WWOX: variants seen among roughly 807,000 people sequenced by gnomAD.
WWOX encodes WW domain-containing oxidoreductase.
A neutral mutation model predicts 46.2 loss-of-function variants in WWOX; 69 were observed. That is an observed-to-expected ratio of 1.49 (90% CI 1.23 to 1.82). The LOEUF (loss-of-function observed/expected upper bound fraction) is 1.82, where lower values mean the gene tolerates loss of function less well. Among genes scored for constraint, WWOX ranks in the 40% most tolerant of loss-of-function variants. WWOX has a pLI of 0.00. For synonymous variants in WWOX, 359 were observed against 202.6 expected, an observed-to-expected ratio of 1.77 and a Z score of -6.56; for missense variants, 919 against 542.6, an observed-to-expected ratio of 1.69 and a Z score of -6.89.
intron 8 of WWOX, among the ~76,000 whole-genome samples, chr16:78,870,421 G>T (rs1396679742): frequency 6.6e-6 from 1 of 151,976 alleles, no homozygotes. Context: ...GTCCAAGCTT[G>T]AATGACCTGC....
chr16:79,153,754 G>A (rs895252286), intron 8 of WWOX, among the ~76,000 whole-genome samples: 1 of 146,560 alleles, frequency 6.8e-6, no homozygotes, highest in African/African-American at 2.6e-5. Context: ...TCTGTTTTTT[G>A]GGGGGGGTTT....
At position 78,575,000 on chromosome 16, in the gene WWOX, T is replaced by TATATATATATATATATATATAA. The variant is rs1567654951; in HGVS notation, c.1056+142270_1056+142291dup. ...ATATATTCAATATTTATTTTTCAAT[T>TATATATATATATATATATATAA]ATATATATATATATATATATAAATA... On this transcript the variant is annotated intron_variant, in intron 8 of 8. Transcript: ENST00000566780. Among the ~76,000 whole-genome samples, 11 of 8,724 alleles carry TATATATATATATATATATATAA rather than the reference T, an allele frequency of 1.3e-3. 1 individual carries two copies. The highest frequency in any genetic ancestry group is 3.5e-3 in the Admixed American group (1 of 284). The allele number at this position is 8,724 out of a possible 152,430, so 5.7% of individuals were successfully genotyped here.
intron 8 of WWOX, among the ~76,000 whole-genome samples, chr16:79,146,840 G>C (rs980139717): frequency 6.6e-6 from 1 of 152,150 alleles, no homozygotes; most frequent in Non-Finnish European, 1.5e-5. Flanking sequence ...CAAATACTGT[G>C]TGAGGTTTAA....
intron 8 of WWOX, among the ~76,000 whole-genome samples, chr16:78,871,521 AG>A (rs2044128137): frequency 6.6e-6 from 1 of 152,198 alleles, no homozygotes; most frequent in African/African-American, 2.4e-5. Flanking sequence ...AAGATCTCCA[AG>A]GAAGCAGTTC....
intron 8 of WWOX, among the ~76,000 whole-genome samples, chr16:78,483,234 A>C (rs2084540502): frequency 6.6e-6 from 1 of 152,100 alleles, no homozygotes; most frequent in Non-Finnish European, 1.5e-5. Flanking sequence ...TTTGAAAAAT[A>C]CTCTGTCTTT....
At chr16:78,812,454 G>A (rs1241968298) in intron 8 of WWOX, among the ~76,000 whole-genome samples, 1 of 152,026 alleles carries the variant, frequency 6.6e-6, no homozygotes, top group African/African-American at 2.4e-5. Context: ...GGGCATGGTG[G>A]CTCCTGCCTG....
intron 8 of WWOX, chr16:78,896,664 A>G (rs569196268): frequency 6.6e-6 from 1 of 152,258 alleles, no homozygotes; most frequent in African/African-American, 2.4e-5. Context: ...AACCTTTTCA[A>G]GCATTTTTGT....
At chr16:78,320,958 G>C (rs1038409386) in intron 5 of WWOX, among the ~76,000 whole-genome samples, 1 of 152,032 alleles carries the variant, frequency 6.6e-6, no homozygotes, top group Admixed American at 6.6e-5. Flanking sequence ...TAATTGTCTT[G>C]TTTACAATTA....
chr16:78,836,052 T>C (rs1337919827), intron 8 of WWOX, among the ~76,000 whole-genome samples: 1 of 152,242 alleles, frequency 6.6e-6, no homozygotes, highest in East Asian at 1.9e-4. Context: ...GAAAATTGTG[T>C]ATTCACATTG....
At chr16:78,335,730 C>T (rs1360457787) in intron 5 of WWOX, among the ~76,000 whole-genome samples, 3 of 152,194 alleles carry the variant, frequency 2.0e-5, no homozygotes, top group African/African-American at 4.8e-5. Context: ...CCATGTGATT[C>T]TGAGACAGAC....
intron 8 of WWOX, among the ~76,000 whole-genome samples, chr16:79,096,196 C>T (rs919137508): frequency 1.6e-4 from 25 of 152,052 alleles, no homozygotes; most frequent in African/African-American, 5.8e-4. Flanking sequence ...GGCCTCCTGG[C>T]ACCCAGCCAT....
intron 8 of WWOX, among the ~76,000 whole-genome samples, chr16:78,623,015 C>T (rs1322609317): frequency 1.3e-5 from 2 of 151,988 alleles, no homozygotes; most frequent in African/African-American, 2.4e-5. Flanking sequence ...GGACATTAGT[C>T]CTATAACCAC....
intron 8 of WWOX, among the ~76,000 whole-genome samples, chr16:78,558,787 G>T (rs915298484): frequency 6.6e-6 from 1 of 152,188 alleles, no homozygotes; most frequent in Non-Finnish European, 1.5e-5. Flanking sequence ...CTTCTGCCTA[G>T]AGTATGCCTT....
intron 5 of WWOX, among the ~76,000 whole-genome samples, chr16:78,381,434 TTTGA>T (rs111862487): frequency 0.038 from 5,815 of 152,226 alleles, 348 homozygotes; most frequent in African/African-American, 0.13. Flanking sequence ...ACCTGGGTTG[TTTGA>T]TTATGACCTT....
At chr16:78,646,373 A>G (rs1416917463) in intron 8 of WWOX, among the ~76,000 whole-genome samples, 1 of 152,024 alleles carries the variant, frequency 6.6e-6, no homozygotes, top group Non-Finnish European at 1.5e-5. Context: ...AGGTCCCTCC[A>G]TCCTCCATCT....
intron 8 of WWOX, among the ~76,000 whole-genome samples, chr16:79,135,110 A>G (rs111697368): frequency 0.013 from 1,917 of 152,096 alleles, 33 homozygotes; most frequent in African/African-American, 0.043. Flanking sequence ...TTTTCTAACA[A>G]TTTTTTTCTT....
intron 8 of WWOX, among the ~76,000 whole-genome samples, chr16:78,618,173 T>G (rs572065283): frequency 1.3e-5 from 2 of 152,198 alleles, no homozygotes; most frequent in African/African-American, 4.8e-5. Flanking sequence ...AAGTGGGGAC[T>G]TGAGTCCCGA....
At chr16:78,148,685 C>G (rs8061956) in intron 4 of WWOX, among the ~76,000 whole-genome samples, 2,679 of 151,720 alleles carry the variant, frequency 0.018, 83 homozygotes, top group African/African-American at 0.061. Context: ...ATCACGAGGT[C>G]AGGAGATCGA....
chr16:78,422,217 A>C (rs796306557), intron 6 of WWOX, among the ~76,000 whole-genome samples: 3 of 152,284 alleles, frequency 2.0e-5, no homozygotes, highest in African/African-American at 7.2e-5. Flanking sequence ...ATATGATTGC[A>C]TATATTCGTC....
Sources: allele counts gnomAD v4.1 joint callset (sites outside exome capture counted in the v4.1 genomes callset), GRCh38; gene constraint gnomAD v4.1.1; transcripts MANE v1.5; gene names NCBI Gene and HGNC (gene_info 2026-07-23, HGNC 2026-07-21).